The following CDH18 variants were observed in gnomAD, a reference collection of about 807,000 sequenced individuals.
CDH18 encodes cadherin-18.
A neutral mutation model predicts 67.9 loss-of-function variants in CDH18; 31 were observed. The observed-to-expected ratio is 0.46, with a 90% CI of 0.34 to 0.62. The LOEUF is 0.62. CDH18 is among the 20% of genes least tolerant of loss of function. The pLI, the probability that CDH18 is intolerant of heterozygous loss-of-function variation, is 0.01. For missense variants in CDH18, 890 were observed against 975.5 expected (o/e 0.91, Z 1.17); for synonymous variants, 362 against 347.2 (o/e 1.04, Z -0.48).
chr5:19,693,491 T>C (rs1762164281), intron 5 of CDH18, among the ~76,000 whole-genome samples: 1 of 152,344 alleles, frequency 6.6e-6, no homozygotes, highest in East Asian at 1.9e-4. Context: ...CCACTCTTCA[T>C]ATATCCATTC....
At chr5:19,752,863 C>G (rs573960550) in intron 3 of CDH18, among the ~76,000 whole-genome samples, 2 of 152,294 alleles carry the variant, frequency 1.3e-5, no homozygotes, top group East Asian at 3.9e-4. Context: ...GGACTTTGTA[C>G]AGACAACACC....
chr5:19,887,340 A>G (rs183385838), intron 2 of CDH18, among the ~76,000 whole-genome samples: 1 of 152,048 alleles, frequency 6.6e-6, no homozygotes, highest in Non-Finnish European at 1.5e-5. Flanking sequence ...GCATTGCCTA[A>G]TATATATTTT....
chr5:20,541,541 A>G (rs1283378857), intron 1 of CDH18, among the ~76,000 whole-genome samples: 1 of 152,206 alleles, frequency 6.6e-6, no homozygotes, highest in Admixed American at 6.6e-5. Context: ...ATTAAAAATA[A>G]ACTTAGAATG....
At chr5:20,564,680 C>T (rs1169786659) in intron 1 of CDH18, among the ~76,000 whole-genome samples, 2 of 152,136 alleles carry the variant, frequency 1.3e-5, no homozygotes, top group East Asian at 3.9e-4. Context: ...CATTTAAAAA[C>T]ATTTTAGCAG....
intron 1 of CDH18, among the ~76,000 whole-genome samples, chr5:20,425,804 T>C (rs1371149950): frequency 6.6e-6 from 1 of 151,158 alleles, no homozygotes; most frequent in Non-Finnish European, 1.5e-5. Context: ...TATTAATATT[T>C]TGAATTCTGT....
chr5:19,707,330 G>A (rs187865699), intron 5 of CDH18, among the ~76,000 whole-genome samples: 470 of 152,298 alleles, frequency 3.1e-3, no homozygotes, highest in Non-Finnish European at 5.0e-3. Context: ...GTCACAATGA[G>A]TAACTTAATG....
At chr5:20,407,489 C>A (rs1441454954) in intron 1 of CDH18, among the ~76,000 whole-genome samples, 6 of 89,928 alleles carry the variant, frequency 6.7e-5, no homozygotes, top group African/African-American at 2.1e-4. Flanking sequence ...TGCATATACA[C>A]CAATGAGGAA....
At chr5:19,746,358 C>CT (rs1256771455) in intron 4 of CDH18, among the ~76,000 whole-genome samples, 1 of 152,146 alleles carries the variant, frequency 6.6e-6, no homozygotes, top group Non-Finnish European at 1.5e-5. Context: ...GACTTAAATA[C>CT]TTTATGCCAG....
chr5:19,911,365 G>C (rs1388596879), intron 2 of CDH18, among the ~76,000 whole-genome samples: 1 of 152,090 alleles, frequency 6.6e-6, no homozygotes, highest in Admixed American at 6.6e-5. Flanking sequence ...GTTGATGGTA[G>C]AGTTAGAGAG....
At chr5:20,479,637 G>A (rs555922050) in intron 1 of CDH18, among the ~76,000 whole-genome samples, 59 of 152,168 alleles carry the variant, frequency 3.9e-4, no homozygotes, top group Non-Finnish European at 6.9e-4. Context: ...AGTCTTAACA[G>A]GGCAAATCTA....
At chr5:20,185,599 A>G (rs1028162618) in intron 2 of CDH18, among the ~76,000 whole-genome samples, 1 of 151,958 alleles carries the variant, frequency 6.6e-6, no homozygotes, top group Non-Finnish European at 1.5e-5. Flanking sequence ...CTCTGAGGAT[A>G]TTTCCTCTTA....
intron 4 of CDH18, among the ~76,000 whole-genome samples, chr5:19,724,485 A>G (rs1440250176): frequency 6.7e-6 from 1 of 148,506 alleles, no homozygotes; most frequent in African/African-American, 2.5e-5. Context: ...AATTCTGTAG[A>G]ACTGAGCACA....
rs77297977 is a variant in CDH18, at chr5:19,476,130, G to A, written c.1883-2414C>T. 5.9e-3 allele frequency among the ~76,000 whole-genome samples: 893 copies of A among 152,048 alleles called. 10 individuals carry two copies. The highest frequency in any genetic ancestry group is 0.02 in the African/African-American group (845 of 41,494). On this transcript the variant is annotated intron_variant, in intron 12 of 12. Transcript: ENST00000382275. ...CCAGTTTTGCAGAGGAAAGGCAAAT[G>A]GGAGACTATGAAGGAACCAAAAAGA...
At chr5:19,809,925 T>C (rs532302763) in intron 3 of CDH18, among the ~76,000 whole-genome samples, 5 of 152,114 alleles carry the variant, frequency 3.3e-5, no homozygotes, top group African/African-American at 1.2e-4. Context: ...CAATAGTGAA[T>C]AGACAAAGGA....
intron 2 of CDH18, among the ~76,000 whole-genome samples, chr5:19,993,745 T>C (rs1388727609): frequency 2.0e-5 from 3 of 152,122 alleles, no homozygotes; most frequent in Non-Finnish European, 1.5e-5. Flanking sequence ...TATCGATATA[T>C]AGATAATAGA....
At chr5:20,180,686 A>T (rs936015028) in intron 2 of CDH18, among the ~76,000 whole-genome samples, 4 of 152,116 alleles carry the variant, frequency 2.6e-5, no homozygotes, top group African/African-American at 9.7e-5. Context: ...ACTTAATAGT[A>T]AGTGCTGGTA....
intron 1 of CDH18, among the ~76,000 whole-genome samples, chr5:20,530,885 A>G (rs572612931): frequency 1.3e-5 from 2 of 152,088 alleles, no homozygotes; most frequent in Non-Finnish European, 2.9e-5. Context: ...AAATTGACCA[A>G]TGTGATCTAA....
At chr5:20,410,606 C>G (rs569084703) in intron 1 of CDH18, among the ~76,000 whole-genome samples, 1 of 151,572 alleles carries the variant, frequency 6.6e-6, no homozygotes, top group South Asian at 2.1e-4. Context: ...AGAAGGATGT[C>G]CATTCTTGGC....
intron 6 of CDH18, among the ~76,000 whole-genome samples, chr5:19,608,701 G>T (rs190980450): frequency 6.6e-6 from 1 of 151,642 alleles, no homozygotes; most frequent in South Asian, 2.1e-4. Context: ...GTGAGTTTAC[G>T]TTCTTGGCAA....
Sources: allele counts gnomAD v4.1 joint callset (sites outside exome capture counted in the v4.1 genomes callset), GRCh38; gene constraint gnomAD v4.1.1; transcripts MANE v1.5; gene names NCBI Gene and HGNC (gene_info 2026-07-23, HGNC 2026-07-21).